Variants in AFAP1 observed in about 807,000 individuals in gnomAD.
AFAP1 encodes the protein actin filament-associated protein 1.
In AFAP1, 75 loss-of-function variants were observed where a neutral mutation model predicts 93.9. The ratio of observed to expected loss-of-function variants is 0.80; its 90% CI spans 0.66 to 0.97. The LOEUF is 0.97. Among genes scored for constraint, AFAP1 ranks in the 50% least tolerant of loss-of-function variants. AFAP1 has a pLI of 0.00. For synonymous variants in AFAP1, 517 were observed against 430.7 expected (o/e 1.20, Z -2.48); for missense variants, 1,201 against 1,050.8 (o/e 1.14, Z -1.98).
At position 7,763,614 on chromosome 4, in the gene AFAP1, G is replaced by C. The variant is rs948979160; in HGVS notation, c.*151C>G. 2.6e-6 allele frequency: 2 copies of C among 778,560 alleles called. No homozygotes were observed. The highest frequency in any genetic ancestry group is 4.0e-6 in the Non-Finnish European group (2 of 497,068). 48.2% of individuals were successfully genotyped at this position (778,560 alleles called of 1,614,324 possible). On this transcript the variant is annotated 3_prime_UTR_variant, in exon 18 of 18. Coordinates refer to ENST00000420658, the MANE Select transcript of AFAP1 (RefSeq NM_001134647.2). The stretch of plus-strand genomic sequence containing the variant: ...CAGTAGAAAGAATACAAGTGGGCCT[G>C]GGGGACAGGCACTGGCCTCAGAGCT...
chr4:7,864,609 A>C (rs1415533430), intron 3 of AFAP1, among the ~76,000 whole-genome samples: 1 of 152,196 alleles, frequency 6.6e-6, no homozygotes, highest in Non-Finnish European at 1.5e-5. Context: ...TAAAAGGCTA[A>C]ACATTCAGGG....
At chr4:7,856,373 A>G (rs1263926884) in intron 3 of AFAP1, among the ~76,000 whole-genome samples, 2 of 151,868 alleles carry the variant, frequency 1.3e-5, no homozygotes, top group East Asian at 1.9e-4. Context: ...CTCCCAAGTA[A>G]CTGGGACTAC....
At chr4:7,786,077 C>A in intron 12 of AFAP1, 117 bp downstream of exon 12, 1 of 871,638 alleles carries the variant, frequency 1.1e-6, no homozygotes, top group Non-Finnish European at 1.8e-6. Context: ...CTCCTTGCCT[C>A]AGAGCATTAA....
chr4:7,825,243 G>A (rs1721319739), intron 6 of AFAP1, among the ~76,000 whole-genome samples: 1 of 152,098 alleles, frequency 6.6e-6, no homozygotes, highest in African/African-American at 2.4e-5. Flanking sequence ...TTCCAGGAAT[G>A]TACCCTATGC....
chr4:7,906,791 C>T (rs1172181189), intron 1 of AFAP1, among the ~76,000 whole-genome samples: 3 of 152,144 alleles, frequency 2.0e-5, no homozygotes, highest in African/African-American at 7.2e-5. Flanking sequence ...GAAGCCAAGG[C>T]GGGTGGATCA....
chr4:7,781,477 C>G lies in AFAP1; in HGVS notation c.1681G>C (p.Ala561Pro). The change falls in exon 13 of 18, where the codon GCT (alanine) becomes CCT (proline). Residue 561 changes from alanine (A) to proline (P), a missense_variant. Coordinates refer to ENST00000420658, the MANE Select transcript of AFAP1 (RefSeq NM_001134647.2). The stretch of plus-strand genomic sequence containing the variant: ...TAATGGTTAGAGGACAGCTTGTCAG[C>G]AGACAGCCTAGAGGCCTTTCTGTCA... ...PADRKASRLS[A>P]DKLSSNHYKY... 1.3e-6 allele frequency: 2 copies of G among 1,552,182 alleles called. No individual in the cohort carries two copies. Among genetic ancestry groups the G allele is most frequent in the Non-Finnish European group, 1.7e-6 (2 of 1,147,100 alleles).
chr4:7,892,506 C>T (rs1466444387), intron 1 of AFAP1, among the ~76,000 whole-genome samples: 1 of 152,206 alleles, frequency 6.6e-6, no homozygotes, highest in Non-Finnish European at 1.5e-5. Flanking sequence ...GACCTGCATG[C>T]TGCCAGCTGT....
chr4:7,868,846 C>A (rs1012616769), intron 2 of AFAP1, 127 bp from the exon 3 acceptor site: 3 of 795,938 alleles, frequency 3.8e-6, no homozygotes, highest in Non-Finnish European at 6.0e-6. Context: ...TAATCCTTTA[C>A]AACAGTCCTG....
chr4:7,781,363 G>A lies in AFAP1; in HGVS notation c.1782+13C>T, dbSNP rs1374238383. Reference sequence around the variant, plus strand: ...AAGGTGGTTCTAGAATCTTACAGAAGAAGATGCCGTACCTGCGAGTTGAGC... The same window carrying A: ...AAGGTGGTTCTAGAATCTTACAGAAAAAGATGCCGTACCTGCGAGTTGAGC... On this transcript the variant is annotated intron_variant, in intron 13 of 17. Coordinates refer to ENST00000420658, the MANE Select transcript of AFAP1 (RefSeq NM_001134647.2). The A allele has an allele frequency of 5.2e-6, 8 of 1,550,674 alleles. No individual in the cohort carries two copies. Among genetic ancestry groups the A allele is most frequent in the Non-Finnish European group, 7.0e-6 (8 of 1,146,212 alleles).
chr4:7,784,699 C>A (rs943307681), intron 12 of AFAP1, among the ~76,000 whole-genome samples: 7 of 152,174 alleles, frequency 4.6e-5, no homozygotes, highest in Non-Finnish European at 7.3e-5. Flanking sequence ...CAGGGACACA[C>A]TGCGTCCATC....
chr4:7,861,316 G>T (rs574153922), intron 3 of AFAP1, among the ~76,000 whole-genome samples: 1 of 152,280 alleles, frequency 6.6e-6, no homozygotes, highest in African/African-American at 2.4e-5. Flanking sequence ...TTCCTGTGCC[G>T]CTTGCTGCTC....
chr4:7,904,927 C>A (rs1719317426), intron 1 of AFAP1, among the ~76,000 whole-genome samples: 5 of 152,010 alleles, frequency 3.3e-5, no homozygotes, highest in Admixed American at 3.3e-4. Context: ...CAGACTGGTC[C>A]CGAACTCTGG....
intron 1 of AFAP1, among the ~76,000 whole-genome samples, chr4:7,900,216 T>C (rs1207850764): frequency 1.3e-5 from 2 of 152,212 alleles, no homozygotes; most frequent in Admixed American, 6.5e-5. Context: ...GAAGGAACTG[T>C]GACAGAGGAG....
intron 5 of AFAP1, among the ~76,000 whole-genome samples, chr4:7,841,034 C>T (rs979456421): frequency 2.0e-5 from 3 of 152,196 alleles, no homozygotes; most frequent in Non-Finnish European, 4.4e-5. Flanking sequence ...AAATGCCTCA[C>T]GAGAGATATG....
chr4:7,865,113 C>A (rs1421756749), intron 3 of AFAP1, among the ~76,000 whole-genome samples: 1 of 152,092 alleles, frequency 6.6e-6, no homozygotes, highest in Non-Finnish European at 1.5e-5. Context: ...CTGGAAATTA[C>A]AAAGTAATCA....
rs1017423547 is a variant in AFAP1, at chr4:7,774,593, G to A, written c.2062+146C>T. ...TCGGGGTTACCAGCAATGTTTCCAA[G>A]CCCCAAGAAACACTGTGAGATAACC... On this transcript the variant is annotated intron_variant, in intron 15 of 17. Transcript: ENST00000420658. 9.6e-6 allele frequency: 12 copies of A among 1,245,380 alleles called. No individual in the cohort carries two copies. The Admixed American group carries it at 2.3e-4, about 24-fold the overall frequency. The allele number at this position is 1,245,380 out of a possible 1,614,324, so 77.1% of individuals were successfully genotyped here.
At chr4:7,880,599 T>C (rs1025395371) in intron 1 of AFAP1, among the ~76,000 whole-genome samples, 8 of 152,070 alleles carry the variant, frequency 5.3e-5, no homozygotes, top group African/African-American at 1.9e-4. Context: ...ATTTCACAAG[T>C]GTGGTAACTG....
chr4:7,849,359 A>T (rs4358402), intron 4 of AFAP1, among the ~76,000 whole-genome samples: 6,360 of 149,768 alleles, frequency 0.042, 203 homozygotes, highest in Non-Finnish European at 0.067. Flanking sequence ...TTTCACAATT[A>T]AAAAAAAAAC....
At chr4:7,853,823 G>C (rs1385812234) in intron 4 of AFAP1, among the ~76,000 whole-genome samples, 1 of 152,170 alleles carries the variant, frequency 6.6e-6, no homozygotes, top group Non-Finnish European at 1.5e-5. Flanking sequence ...GCCATCAACT[G>C]AGAGTCCCAC....
Sources: gnomAD v4.1 joint callset for allele counts (sites outside exome capture counted in the v4.1 genomes callset) on GRCh38, gnomAD v4.1.1 for gene constraint, MANE v1.5 for transcripts, NCBI Gene and HGNC (gene_info 2026-07-23, HGNC 2026-07-21) for gene names.